KCNJ4: variants seen among roughly 807,000 people sequenced by gnomAD.
KCNJ4 encodes inward rectifier potassium channel 4.
In KCNJ4, 3 loss-of-function variants were observed where a neutral mutation model predicts 25.6. The ratio of observed to expected loss-of-function variants is 0.12; its 90% CI spans 0.05 to 0.30. The LOEUF (loss-of-function observed/expected upper bound fraction) is 0.30, where lower values mean the gene tolerates loss of function less well. Ranked by LOEUF, KCNJ4 falls within the 10% of genes least tolerant of loss-of-function variation. The pLI is 1.00. For missense variants in KCNJ4, 286 were observed against 666.8 expected (o/e 0.43, Z 6.29); for synonymous variants, 257 against 283.9 (o/e 0.91, Z 0.95).
chr22:38,441,992 GGA>G (rs1353430912), intron 1 of KCNJ4, among the ~76,000 whole-genome samples: 4 of 152,266 alleles, frequency 2.6e-5, no homozygotes, highest in African/African-American at 9.6e-5. Context: ...GTGTAAAAAA[GGA>G]GAGAGAAGAA....
chr22:38,433,407 T>C (rs2093056045), intron 1 of KCNJ4, among the ~76,000 whole-genome samples: 1 of 151,212 alleles, frequency 6.6e-6, no homozygotes, highest in Admixed American at 6.6e-5. Flanking sequence ...GATCGTGTCA[T>C]TGCACTCCAG....
At chr22:38,453,461 G>A (rs1413472470) in intron 1 of KCNJ4, among the ~76,000 whole-genome samples, 1 of 152,076 alleles carries the variant, frequency 6.6e-6, no homozygotes, top group Non-Finnish European at 1.5e-5. Flanking sequence ...CTCTAATCCT[G>A]GACACTCCTC....
At chr22:38,444,928 C>T (rs1388627837) in intron 1 of KCNJ4, among the ~76,000 whole-genome samples, 2 of 152,188 alleles carry the variant, frequency 1.3e-5, no homozygotes, top group African/African-American at 2.4e-5. Flanking sequence ...CTCAACACAG[C>T]GCAGTGCCTT....
rs142131208 is a variant in KCNJ4 at position 38,428,001 on chromosome 22, C to T, written c.132G>A (p.Ala44=). The part of the protein sequence containing the change: ...NLSNKSQRYM[A]DIFTTCVDTR... ...TGTCCACGCAGGTGGTGAAGATGTCCGCCATGTAGCGCTGCGACTTGTTGC... is the reference window on the plus strand; with the variant it reads ...TGTCCACGCAGGTGGTGAAGATGTCTGCCATGTAGCGCTGCGACTTGTTGC... Residue 44 remains alanine (A), a synonymous_variant, in exon 2 of 2, where the codon GCG becomes GCA. Coordinates refer to ENST00000303592, the MANE Select transcript of KCNJ4 (RefSeq NM_152868.3). 61 of 1,614,208 alleles carry T rather than the reference C, an allele frequency of 3.8e-5. No homozygotes were observed. In the Middle Eastern group the frequency reaches 1.3e-3, roughly 35 times the overall value.
chr22:38,431,056 G>A (rs1227320815), intron 1 of KCNJ4, among the ~76,000 whole-genome samples: 1 of 152,262 alleles, frequency 6.6e-6, no homozygotes, highest in Non-Finnish European at 1.5e-5. Context: ...AGGTGTGCAG[G>A]ATAGAGGCAG....
At chr22:38,438,756 G>C (rs150584295) in intron 1 of KCNJ4, among the ~76,000 whole-genome samples, 190 of 152,130 alleles carry the variant, frequency 1.2e-3, no homozygotes, top group African/African-American at 4.4e-3. Context: ...GTCTGGTGTT[G>C]AGAAGCTGCA....
At chr22:38,453,038 T>A (rs1022678878) in intron 1 of KCNJ4, among the ~76,000 whole-genome samples, 4 of 26,822 alleles carry the variant, frequency 1.5e-4, no homozygotes, top group African/African-American at 6.7e-4. Context: ...CGCCCCCGCC[T>A]CCCCCAGATC....
rs543456183 is a variant in KCNJ4, at chr22:38,436,940, C to T, written c.-39-8769G>A. The stretch of plus-strand genomic sequence containing the variant: ...TCGAAGAAATACTGTCACACGCTTG[C>T]TTCCACCTGGTACACATCCAGTCCT... On this transcript the variant is annotated intron_variant, in intron 1 of 1. Coordinates refer to ENST00000303592, the MANE Select transcript of KCNJ4 (RefSeq NM_152868.3). Among the ~76,000 whole-genome samples, 4 of 152,356 alleles carry T rather than the reference C, an allele frequency of 2.6e-5. No individual in the cohort carries two copies. In the East Asian group the frequency reaches 5.8e-4, roughly 22 times the overall value.
chr22:38,439,862 A>G (rs1471135651), intron 1 of KCNJ4, among the ~76,000 whole-genome samples: 1 of 141,004 alleles, frequency 7.1e-6, no homozygotes, highest in South Asian at 2.3e-4. Flanking sequence ...AGGCCAAGGC[A>G]GGCAGATCAC....
At position 38,427,680 on chromosome 22, in the gene KCNJ4, G is replaced by A. The variant is rs1356514437; in HGVS notation, c.453C>T (p.Ile151=). The A allele has an allele frequency of 1.2e-5, 20 of 1,613,002 alleles. No homozygotes were observed. Among genetic ancestry groups the A allele is most frequent in the South Asian group, 8.8e-5 (8 of 91,080 alleles). ...CCACGATGGACTGGACCACCACAGC[G>A]ATGACTGCCAGCGGGCACTCCTCTG... ...CVTEECPLAV[I]AVVVQSIVGC... is the part of the protein sequence containing the mutation. Residue 151 remains isoleucine (I), a synonymous_variant, in exon 2 of 2, where the codon ATC becomes ATT. Transcript: ENST00000303592.
At chr22:38,437,956 A>T (rs2089304406) in intron 1 of KCNJ4, among the ~76,000 whole-genome samples, 1 of 151,990 alleles carries the variant, frequency 6.6e-6, no homozygotes, top group African/African-American at 2.4e-5. Context: ...TACAAAAATT[A>T]GGCCAGGCAT....
At chr22:38,454,947 G>C (rs1197917054) in intron 1 of KCNJ4, 33 bp downstream of exon 1, 2 of 151,846 alleles carry the variant, frequency 1.3e-5, no homozygotes, top group Non-Finnish European at 2.9e-5. Context: ...ACAAACTGAC[G>C]GACAGCGCCC....
At chr22:38,429,191 G>A (rs2093041999) in intron 1 of KCNJ4, among the ~76,000 whole-genome samples, 1 of 152,082 alleles carries the variant, frequency 6.6e-6, no homozygotes, top group African/African-American at 2.4e-5. Context: ...GTTGCTTTGA[G>A]TCCTTGAGCC....
intron 1 of KCNJ4, among the ~76,000 whole-genome samples, chr22:38,432,311 G>T (rs2093052626): frequency 7.1e-6 from 1 of 140,594 alleles, no homozygotes; most frequent in Admixed American, 6.8e-5. Flanking sequence ...AAATAAAAAA[G>T]ACCCCTGGTT....
chr22:38,444,968 G>A (rs2089363463), intron 1 of KCNJ4, among the ~76,000 whole-genome samples: 1 of 152,196 alleles, frequency 6.6e-6, no homozygotes, highest in South Asian at 2.1e-4. Flanking sequence ...AAATAATTGA[G>A]TGAACATTTA....
chr22:38,429,632 T>G (rs1266487565), intron 1 of KCNJ4, among the ~76,000 whole-genome samples: 1 of 152,084 alleles, frequency 6.6e-6, no homozygotes, highest in Non-Finnish European at 1.5e-5. Context: ...CTGTCAAGCA[T>G]CCCCAGCTGT....
intron 1 of KCNJ4, among the ~76,000 whole-genome samples, chr22:38,442,334 G>A (rs1005480324): frequency 1.3e-5 from 2 of 152,060 alleles, no homozygotes; most frequent in African/African-American, 4.8e-5. Context: ...GGATCACGAG[G>A]TCAGGAGATC....
chr22:38,431,016 C>T (rs546990889), intron 1 of KCNJ4, among the ~76,000 whole-genome samples: 12 of 152,346 alleles, frequency 7.9e-5, no homozygotes, highest in African/African-American at 2.4e-4. Flanking sequence ...AGAGAAGAAA[C>T]CAGCCAGTCC....
intron 1 of KCNJ4, among the ~76,000 whole-genome samples, chr22:38,444,828 C>T (rs1411844453): frequency 1.3e-5 from 2 of 152,172 alleles, no homozygotes; most frequent in African/African-American, 2.4e-5. Context: ...CAACTCCAGC[C>T]GACCCCCATC....
Sources: allele counts gnomAD v4.1 joint callset (sites outside exome capture counted in the v4.1 genomes callset), GRCh38; gene constraint gnomAD v4.1.1; transcripts MANE v1.5; gene names NCBI Gene and HGNC (gene_info 2026-07-23, HGNC 2026-07-21).